Variants in CCDC47 observed in about 807,000 individuals in gnomAD.
The protein encoded by CCDC47 is PAT complex subunit CCDC47.
CCDC47 carries 41 observed loss-of-function variants against 60.5 expected under a neutral mutation model. The observed-to-expected ratio is 0.68, with a 90% CI of 0.53 to 0.88. The LOEUF (loss-of-function observed/expected upper bound fraction) is 0.88. Ranked by LOEUF, CCDC47 falls within the 40% of genes least tolerant of loss-of-function variation. The probability of loss-of-function intolerance (pLI) is 0.00; values close to 1 mark genes in which losing one functional copy is unlikely to be tolerated. For synonymous variants in CCDC47, 195 were observed against 190.7 expected, an observed-to-expected ratio of 1.02 and a Z score of -0.18; for missense variants, 513 against 580.9, an observed-to-expected ratio of 0.88 and a Z score of 1.20.
intron 6 of CCDC47, among the ~76,000 whole-genome samples, chr17:63,758,219 T>C (rs4968598): frequency 0.7 from 105,779 of 152,188 alleles, 38,048 homozygotes; most frequent in African/African-American, 0.9. Flanking sequence ...ATTGGTTGAG[T>C]GGGGAGGTCA....
At chr17:63,758,296 G>A (rs935317682) in intron 6 of CCDC47, among the ~76,000 whole-genome samples, 3 of 152,164 alleles carry the variant, frequency 2.0e-5, no homozygotes, top group South Asian at 2.1e-4. Flanking sequence ...TGGGACATTC[G>A]ACTGCATCTG....
intron 4 of CCDC47, among the ~76,000 whole-genome samples, chr17:63,763,656 T>G (rs771393544): frequency 6.8e-6 from 1 of 148,124 alleles, no homozygotes; most frequent in African/African-American, 2.4e-5. Flanking sequence ...AAACCCCGAC[T>G]CTACTAAAAA....
In CCDC47 at chr17:63,751,984, G is replaced by C; in HGVS notation, c.1327C>G (p.Arg443Gly). The C allele has an allele frequency of 6.2e-7, 1 of 1,613,124 alleles. No individual in the cohort carries two copies. Among genetic ancestry groups the C allele is most frequent in the Non-Finnish European group, 8.5e-7 (1 of 1,179,930 alleles). Residue 443 changes from arginine (R) to glycine (G), a missense_variant, in exon 12 of 13, where the codon CGA (arginine) becomes GGA (glycine). Transcript: ENST00000225726. ...TCAGGATCTTCCTCATTCATGATTC[G>C]CTCCTTCTCTGCTCTTTTTTTCTCC... The part of the protein sequence containing the change: ...REEKKRAEKE[R>G]IMNEEDPEKQ...
chr17:63,769,040 T>C (rs1315345787), intron 1 of CCDC47, among the ~76,000 whole-genome samples: 1 of 149,450 alleles, frequency 6.7e-6, no homozygotes, highest in African/African-American at 2.5e-5. Flanking sequence ...GCTGAGATTG[T>C]ACCACTGCAC....
In CCDC47 at chr17:63,764,870, G is replaced by A. The variant is rs755260954; in HGVS notation, c.265-23C>T. On this transcript the variant is annotated intron_variant, in intron 2 of 12. Transcript: ENST00000225726. ...CTCCTACAAAAATGAGGCATCATCC[G>A]TTTTCCTCTACAAATGTCACCAGCA... is the stretch of plus-strand genomic sequence containing the variant. 1.4e-5 allele frequency: 23 copies of A among 1,601,086 alleles called. No homozygotes were observed. In the Admixed American group the frequency reaches 2.6e-4, roughly 18 times the overall value.
chr17:63,749,117 C>A (rs2039142479), intron 12 of CCDC47, among the ~76,000 whole-genome samples: 1 of 151,516 alleles, frequency 6.6e-6, no homozygotes, highest in African/African-American at 2.4e-5. Flanking sequence ...AATAATAATT[C>A]AAAAAATAGC....
intron 3 of CCDC47, 66 bp downstream of exon 3, chr17:63,764,669 AATTTT>A (rs1465029839): frequency 1.6e-5 from 22 of 1,350,734 alleles, no homozygotes; most frequent in Admixed American, 7.4e-5. Context: ...ATACATCATT[AATTTT>A]ATTTCTGGGA....
chr17:63,752,333 CG>C lies in CCDC47; in HGVS notation c.1189del (p.Arg397AspfsTer17). 6.2e-7 allele frequency: 1 copy of C among 1,611,956 alleles called. No individual in the cohort carries two copies. Among genetic ancestry groups the C allele is most frequent in the Non-Finnish European group, 8.5e-7 (1 of 1,178,250 alleles). ...IYSIDKAKKFRLNREGKQKAD... is the reference protein window; with the variant it reads ...IYSIDKAKKFXLNREGKQKAD... ...ATTGGGTCTTACTTCTCTGTTGAGT[CG>C]GAACTTTTTGGCTTTATCAATAGAA... On this transcript the variant is annotated frameshift_variant, in exon 11 of 13. Transcript: ENST00000225726. LOFTEE classifies it high-confidence loss of function.
Position 63,756,459 on chromosome 17 carries a change from C to T in CCDC47, c.837+10G>A. The T allele has an allele frequency of 6.2e-7, 1 of 1,611,122 alleles. No homozygotes were observed. Among genetic ancestry groups the T allele is most frequent in the Non-Finnish European group, 8.5e-7 (1 of 1,177,262 alleles). On this transcript the variant is annotated intron_variant, in intron 7 of 12. Coordinates refer to ENST00000225726, the MANE Select transcript of CCDC47 (RefSeq NM_020198.3). ...TCTACGTATATTTGAGTTGGAGCAA[C>T]CTGACATACCAAATCCTGCATCTCT... is the stretch of plus-strand genomic sequence containing the variant.
At chr17:63,761,142 G>A (rs564165365) in intron 5 of CCDC47, 88 bp downstream of exon 5, 2 of 1,527,622 alleles carry the variant, frequency 1.3e-6, no homozygotes, top group South Asian at 2.3e-5. Context: ...CAAACATGAA[G>A]GGATAAGATG....
chr17:63,752,293 T>G (rs765436717), intron 11 of CCDC47, 27 bp downstream of exon 11: 1 of 1,531,168 alleles, frequency 6.5e-7, no homozygotes. Context: ...AGGTGCCAAT[T>G]TATATAATAC....
chr17:63,769,081 C>T (rs2039316962), intron 1 of CCDC47, among the ~76,000 whole-genome samples: 1 of 144,250 alleles, frequency 6.9e-6, no homozygotes, highest in South Asian at 2.2e-4. Flanking sequence ...GAGACTCTGT[C>T]TCAAAAAAAA....
chr17:63,752,861 G>A, intron 9 of CCDC47, 62 bp from the exon 10 acceptor site: 1 of 1,582,464 alleles, frequency 6.3e-7, no homozygotes, highest in Non-Finnish European at 8.6e-7. Context: ...ATGTACACAA[G>A]TCACCCAATA....
intron 12 of CCDC47, among the ~76,000 whole-genome samples, chr17:63,748,685 G>A (rs532787640): frequency 1.2e-4 from 18 of 152,210 alleles, no homozygotes; most frequent in Non-Finnish European, 1.6e-4. Context: ...TTGGCCGGGC[G>A]CAGTGGCTGA....
At chr17:63,770,927 G>A (rs1251107714) in intron 1 of CCDC47, among the ~76,000 whole-genome samples, 1 of 147,596 alleles carries the variant, frequency 6.8e-6, no homozygotes, top group Non-Finnish European at 1.5e-5. Flanking sequence ...GGCGGAGATT[G>A]CAGTGAGCCA....
At chr17:63,756,614 T>A in intron 6 of CCDC47, 44 bp from the exon 7 acceptor site, 3 of 1,343,614 alleles carry the variant, frequency 2.2e-6, no homozygotes, top group Non-Finnish European at 3.2e-6. Context: ...CCTGTTAGGT[T>A]CTGTGATAGG....
intron 6 of CCDC47, among the ~76,000 whole-genome samples, chr17:63,759,556 TATATATATATATATATATATAA>T (rs1231513771): frequency 1.3e-4 from 5 of 38,728 alleles, no homozygotes; most frequent in Non-Finnish European, 2.2e-4. Flanking sequence ...TATATATATA[TATATATATATATATATATATAA>T]AACAATGATT....
intron 1 of CCDC47, among the ~76,000 whole-genome samples, chr17:63,769,961 CTTTTT>C (rs397857898): frequency 7.8e-6 from 1 of 128,438 alleles, no homozygotes. Flanking sequence ...ATTTTTCTTT[CTTTTT>C]TTTTTTTTTT....
intron 7 of CCDC47, 31 bp downstream of exon 7, chr17:63,756,438 C>T (rs779232101): frequency 2.1e-5 from 34 of 1,584,624 alleles, no homozygotes; most frequent in South Asian, 5.5e-5. Context: ...CACAGTTCTA[C>T]GTATATTTGA....
Sources: gnomAD v4.1 joint callset for allele counts (sites outside exome capture counted in the v4.1 genomes callset) on GRCh38, gnomAD v4.1.1 for gene constraint, MANE v1.5 for transcripts, NCBI Gene and HGNC (gene_info 2026-07-23, HGNC 2026-07-21) for gene names.